The following DEPTOR variants were observed in gnomAD, a reference collection of about 807,000 sequenced individuals.
DEPTOR encodes the protein DEP domain containing MTOR interacting protein.
DEPTOR carries 41 observed loss-of-function variants against 41.6 expected under a neutral mutation model. That is an observed-to-expected ratio of 0.98 (90% CI 0.77 to 1.28). The LOEUF is 1.28. Ranked by LOEUF, DEPTOR falls within the 50% of genes most tolerant of loss-of-function variation. The probability of loss-of-function intolerance (pLI) is 0.00; values close to 1 mark genes in which losing one functional copy is unlikely to be tolerated. For missense variants in DEPTOR, 514 were observed against 527.9 expected, an observed-to-expected ratio of 0.97 and a Z score of 0.26; for synonymous variants, 195 against 192.3, an observed-to-expected ratio of 1.01 and a Z score of -0.12.
Position 120,049,771 on chromosome 8 carries a change from C to T in DEPTOR, c.*67C>T. The T allele has an allele frequency of 6.3e-7, 1 of 1,584,654 alleles. No homozygotes were observed. On this transcript the variant is annotated 3_prime_UTR_variant, in exon 9 of 9. Coordinates refer to ENST00000286234, the MANE Select transcript of DEPTOR (RefSeq NM_022783.4). The stretch of plus-strand genomic sequence containing the variant: ...GAAGCCAGAATGACACAAAGCAATG[C>T]AAAGACAAGATTGCCATGCAAATGG...
At chr8:119,907,162 G>A (rs985416507) in intron 1 of DEPTOR, among the ~76,000 whole-genome samples, 8 of 152,118 alleles carry the variant, frequency 5.3e-5, no homozygotes, top group Non-Finnish European at 7.4e-5. Context: ...GCAACAAAAC[G>A]TAAGATCTGG....
chr8:120,021,058 CAAAAT>C (rs147729205), intron 8 of DEPTOR, among the ~76,000 whole-genome samples: 3 of 119,964 alleles, frequency 2.5e-5, no homozygotes, highest in Admixed American at 1.7e-4. Context: ...GACTCTGTCT[CAAAAT>C]AAAATAAAAT....
chr8:119,914,201 A>G (rs1481639999), intron 1 of DEPTOR, among the ~76,000 whole-genome samples: 1 of 146,224 alleles, frequency 6.8e-6, no homozygotes, highest in African/African-American at 2.6e-5. Flanking sequence ...GAGTGCCACC[A>G]TGCCTAATTT....
chr8:120,008,987 G>A (rs372070231), intron 7 of DEPTOR, 42 bp from the exon 8 acceptor site: 35 of 1,594,250 alleles, frequency 2.2e-5, no homozygotes, highest in East Asian at 6.7e-5. Context: ...GCAAATTGCC[G>A]GAGACAGTCG....
chr8:120,014,878 G>T (rs937116585), intron 8 of DEPTOR, among the ~76,000 whole-genome samples: 1 of 149,656 alleles, frequency 6.7e-6, no homozygotes, highest in Non-Finnish European at 1.5e-5. Context: ...GTTAACGTTG[G>T]TTTCATGTCA....
intron 1 of DEPTOR, among the ~76,000 whole-genome samples, chr8:119,917,139 CG>C (rs1488317401): frequency 6.6e-6 from 1 of 152,036 alleles, no homozygotes; most frequent in African/African-American, 2.4e-5. Flanking sequence ...TATCCTGTTT[CG>C]TCTTCAAAGT....
rs182646241 is a variant in DEPTOR at position 119,949,826 on chromosome 8, C to T, written c.426-15406C>T. ...TCCTGAGTAGCTGGGATTACAGGTGCACGCCACCATGCCCAGCTAATTTTT... is the reference window on the plus strand; with the variant it reads ...TCCTGAGTAGCTGGGATTACAGGTGTACGCCACCATGCCCAGCTAATTTTT... On this transcript the variant is annotated intron_variant, in intron 3 of 8. Transcript: ENST00000286234. 1.8e-4 allele frequency among the ~76,000 whole-genome samples: 28 copies of T among 151,928 alleles called. No homozygotes were observed. The East Asian group carries it at 3.1e-3, about 17-fold the overall frequency.
chr8:119,900,323 C>CAAA (rs572919486), intron 1 of DEPTOR, among the ~76,000 whole-genome samples: 2 of 54,188 alleles, frequency 3.7e-5, no homozygotes, highest in African/African-American at 8.3e-5. Context: ...GGCTCCATCT[C>CAAA]AAAAAAAAAA....
intron 4 of DEPTOR, among the ~76,000 whole-genome samples, chr8:119,992,147 T>C (rs1812183830): frequency 6.6e-6 from 1 of 152,196 alleles, no homozygotes; most frequent in African/African-American, 2.4e-5. Flanking sequence ...AGATCAGTAG[T>C]AGCTAAGAAA....
chr8:119,917,507 A>T (rs549734887), intron 1 of DEPTOR, among the ~76,000 whole-genome samples: 1 of 152,346 alleles, frequency 6.6e-6, no homozygotes, highest in African/African-American at 2.4e-5. Context: ...GTGCTTTGTT[A>T]AACAAATGCT....
intron 3 of DEPTOR, among the ~76,000 whole-genome samples, chr8:119,947,182 T>C (rs1388429417): frequency 6.6e-6 from 1 of 152,188 alleles, no homozygotes; most frequent in Non-Finnish European, 1.5e-5. Context: ...CTAGGATGGC[T>C]TCCCTCCTGC....
intron 1 of DEPTOR, among the ~76,000 whole-genome samples, chr8:119,916,266 A>ATTTTTG (rs1827812381): frequency 2.4e-5 from 3 of 123,294 alleles, no homozygotes; most frequent in Non-Finnish European, 5.0e-5. Context: ...GGCTAGGCTA[A>ATTTTTG]TTTTTTTTTT....
intron 8 of DEPTOR, among the ~76,000 whole-genome samples, chr8:120,025,649 T>A (rs931310251): frequency 6.6e-6 from 1 of 152,172 alleles, no homozygotes; most frequent in Admixed American, 6.6e-5. Flanking sequence ...TGCTTTTCTC[T>A]TTGCCCTCCG....
chr8:120,016,165 G>T (rs1470513834), intron 8 of DEPTOR, among the ~76,000 whole-genome samples: 1 of 152,128 alleles, frequency 6.6e-6, no homozygotes, highest in African/African-American at 2.4e-5. Context: ...GCAAGAGCAA[G>T]TTCTCTAGTC....
At chr8:119,999,320 C>T (rs909499199) in intron 4 of DEPTOR, among the ~76,000 whole-genome samples, 32 of 151,916 alleles carry the variant, frequency 2.1e-4, no homozygotes, top group African/African-American at 7.5e-4. Context: ...ACCTATATCC[C>T]AAGCTGTTGT....
intron 8 of DEPTOR, among the ~76,000 whole-genome samples, chr8:120,033,172 C>T (rs1042767882): frequency 1.3e-5 from 2 of 149,510 alleles, no homozygotes; most frequent in African/African-American, 5.0e-5. Context: ...ACTGCAACCT[C>T]TGCCTCCCGG....
chr8:119,915,624 A>G (rs1563964541), intron 1 of DEPTOR, among the ~76,000 whole-genome samples: 1 of 152,152 alleles, frequency 6.6e-6, no homozygotes, highest in South Asian at 2.1e-4. Flanking sequence ...AAGTTACCTA[A>G]CTTCTGTAAG....
intron 1 of DEPTOR, among the ~76,000 whole-genome samples, chr8:119,898,221 A>C (rs1297449064): frequency 6.6e-6 from 1 of 152,192 alleles, no homozygotes. Flanking sequence ...CTGGCCCTTC[A>C]TAGAAAACCT....
chr8:119,884,637 A>G (rs1827340961), intron 1 of DEPTOR, among the ~76,000 whole-genome samples: 1 of 151,042 alleles, frequency 6.6e-6, no homozygotes, highest in Non-Finnish European at 1.5e-5. Context: ...TTAGTTTGCT[A>G]CTTAAAATGC....
Sources: gnomAD v4.1 joint callset for allele counts (sites outside exome capture counted in the v4.1 genomes callset) on GRCh38, gnomAD v4.1.1 for gene constraint, MANE v1.5 for transcripts, NCBI Gene and HGNC (gene_info 2026-07-23, HGNC 2026-07-21) for gene names.